The following DNAH2 variants were observed in gnomAD, a reference collection of about 807,000 sequenced individuals.
DNAH2 encodes the protein dynein axonemal heavy chain 2.
A neutral mutation model predicts 523.5 loss-of-function variants in DNAH2; 323 were observed. The observed-to-expected ratio is 0.62, with a 90% CI of 0.56 to 0.68. The LOEUF is 0.68. Among genes scored for constraint, DNAH2 ranks in the 30% least tolerant of loss-of-function variants. DNAH2 has a pLI of 0.00. For missense variants in DNAH2, 4,907 were observed against 5,701.5 expected, an observed-to-expected ratio of 0.86 and a Z score of 4.49; for synonymous variants, 2,093 against 2,177.4, an observed-to-expected ratio of 0.96 and a Z score of 1.08.
intron 3 of DNAH2, among the ~76,000 whole-genome samples, chr17:7,724,757 TCTGAGATGGAG>T (rs1567599989): frequency 2.0e-5 from 3 of 150,794 alleles, no homozygotes; most frequent in Non-Finnish European, 3.0e-5. Context: ...TTTTTTTTTT[TCTGAGATGGAG>T]TCTTGCTTCC....
At chr17:7,777,364 C>T (rs770242434) in intron 32 of DNAH2, 82 bp from the exon 33 acceptor site, 12 of 1,493,158 alleles carry the variant, frequency 8.0e-6, no homozygotes, top group African/African-American at 2.8e-5. Context: ...GGGTTGGAAG[C>T]GGTGCTGGGT....
chr17:7,757,267 C>G (rs529618024), intron 13 of DNAH2, 30 bp downstream of exon 13: 1 of 1,605,206 alleles, frequency 6.2e-7, no homozygotes, highest in African/African-American at 1.3e-5. Flanking sequence ...TGCAGCCCTT[C>G]AAGATGCTAT....
At chr17:7,815,694 TCA>T (rs1258886411) in intron 63 of DNAH2, among the ~76,000 whole-genome samples, 3 of 149,390 alleles carry the variant, frequency 2.0e-5, no homozygotes, top group African/African-American at 5.0e-5. Flanking sequence ...ATATATGGGA[TCA>T]CACACATGTA....
rs1169231731 is a variant in DNAH2, at chr17:7,765,504, C to G, written c.3450C>G (p.Ile1150Met). The change falls in exon 21 of 86, where the codon ATC becomes ATG. Residue 1150 changes from isoleucine (I) to methionine (M), a missense_variant. By Grantham distance (10) the Ile-to-Met change is conservative. This residue lies in a region of DNAH2 where 2,806 missense variants were observed against 3,190.8 expected (regional missense o/e 0.88). Coordinates refer to ENST00000572933, the MANE Select transcript of DNAH2 (RefSeq NM_020877.5). ...AGGAGAAATTCAAGACAGGCCTGAT[C>G]CACTCGGCAGATGACTTCAAGAAGA... The part of the protein sequence containing the change: ...KHKEKFKTGL[I>M]HSADDFKKKA... 26 of 1,614,100 alleles carry G rather than the reference C, an allele frequency of 1.6e-5. No homozygotes were observed. Among genetic ancestry groups the G allele is most frequent in the Non-Finnish European group, 2.1e-5 (25 of 1,180,052 alleles).
At chr17:7,738,248 T>G in intron 8 of DNAH2, 1 of 605,832 alleles carries the variant, frequency 1.7e-6, no homozygotes. Context: ...ACCCAGGAGT[T>G]TCTACATCTG....
chr17:7,793,647 T>G (rs1243699698), intron 48 of DNAH2, among the ~76,000 whole-genome samples: 1 of 151,948 alleles, frequency 6.6e-6, no homozygotes, highest in East Asian at 1.9e-4. Flanking sequence ...TGATTTTTAG[T>G]GGACACAAGG....
chr17:7,756,733 C>T (rs960248744), intron 12 of DNAH2, among the ~76,000 whole-genome samples: 1 of 152,162 alleles, frequency 6.6e-6, no homozygotes, highest in African/African-American at 2.4e-5. Flanking sequence ...TGCAGTGGTG[C>T]GATCTCAGCT....
chr17:7,819,195 A>C lies in DNAH2; in HGVS notation c.10816-14A>C, dbSNP rs763532623. 3 of 1,612,462 alleles carry C rather than the reference A, an allele frequency of 1.9e-6. No homozygotes were observed. In the Admixed American group the frequency reaches 5.0e-5, roughly 27 times the overall value. On this transcript the variant is annotated splice_polypyrimidine_tract_variant and intron_variant, in intron 71 of 85. Coordinates refer to ENST00000572933, the MANE Select transcript of DNAH2 (RefSeq NM_020877.5). ...TCCCTCAGTGGCCCTGACTCCACCC[A>C]TCCCCACCGGCAGGCTTACCGCCCA... is the stretch of plus-strand genomic sequence containing the variant.
At position 7,819,335 on chromosome 17, in the gene DNAH2, A is replaced by G; in HGVS notation, c.10942A>G (p.Lys3648Glu). 6.2e-7 allele frequency: 1 copy of G among 1,614,212 alleles called. No individual in the cohort carries two copies. Among genetic ancestry groups the G allele is most frequent in the South Asian group, 1.1e-5 (1 of 91,090 alleles). Reference protein sequence around the residue: ...YISLFILSIDKSHRSNKLEDR... With the variant: ...YISLFILSIDESHRSNKLEDR... ...CAGCCTCTTTATTCTCAGCATTGAC[A>G]AAAGCCACCGCAGCAATAAGCTGGA... Residue 3648 changes from lysine to glutamate, a missense_variant, in exon 72 of 86, where the codon AAA becomes GAA. Transcript: ENST00000572933.
At chr17:7,802,614 A>C (rs2077253517) in intron 58 of DNAH2, among the ~76,000 whole-genome samples, 3 of 152,228 alleles carry the variant, frequency 2.0e-5, no homozygotes, top group Admixed American at 2.0e-4. Context: ...TTTAGGGAAT[A>C]ATGACAAGAA....
At chr17:7,720,403 C>T (rs1378575459) in intron 2 of DNAH2, among the ~76,000 whole-genome samples, 1 of 152,180 alleles carries the variant, frequency 6.6e-6, no homozygotes, top group Non-Finnish European at 1.5e-5. Context: ...TTGGCAGGGA[C>T]TTGGTAGACT....
chr17:7,735,742 T>C (rs979176789), intron 7 of DNAH2, among the ~76,000 whole-genome samples: 2 of 151,402 alleles, frequency 1.3e-5, no homozygotes, highest in Non-Finnish European at 2.9e-5. Context: ...CCCAGCTCAA[T>C]TGTTAATTTT....
In DNAH2 at chr17:7,758,953, A is replaced by C. The variant is rs953269686; in HGVS notation, c.2277A>C (p.Ser759=). 5.6e-6 allele frequency: 9 copies of C among 1,614,216 alleles called. No individual in the cohort carries two copies. The highest frequency in any genetic ancestry group is 7.6e-6 in the Non-Finnish European group (9 of 1,180,036). ...LTIGWRAQEM[S]EKLLVRISGK... ...TTGGCTGGCGAGCCCAAGAGATGTC[A>C]GAGAAGCTGCTGGTACGCATTAGTG... The change falls in exon 15 of 86, where the codon TCA becomes TCC. Residue 759 remains serine, a synonymous_variant. Transcript: ENST00000572933.
In DNAH2 at chr17:7,723,677, C is replaced by T. The variant is rs188683906; in HGVS notation, c.216C>T (p.Pro72=). The T allele has an allele frequency of 1.9e-4, 312 of 1,613,872 alleles. 6 individuals carry two copies. In the East Asian group the frequency reaches 6.2e-3, roughly 32 times the overall value. Residue 72 remains proline, a synonymous_variant, in exon 3 of 86, where the codon CCC becomes CCT. Coordinates refer to ENST00000572933, the MANE Select transcript of DNAH2 (RefSeq NM_020877.5). ...CACAGAGTGAAGAATCAGTGGAGCC[C>T]GAGGCAGATGTGGTAGGCTTGGGTC... ...PQAQSEESVE[P]EADVKPLFLS...
intron 4 of DNAH2, among the ~76,000 whole-genome samples, chr17:7,729,426 GGTTT>G (rs988168862): frequency 9.9e-5 from 15 of 151,544 alleles, no homozygotes; most frequent in Non-Finnish European, 1.8e-4. Context: ...GAGGAGCCTA[GGTTT>G]GTTTGTTTGT....
At position 7,823,438 on chromosome 17, in the gene DNAH2, C is replaced by G. The variant is rs1028407171; in HGVS notation, c.11143-4C>G. On this transcript the variant is annotated splice_polypyrimidine_tract_variant and splice_region_variant and intron_variant, in intron 73 of 85. Coordinates refer to ENST00000572933, the MANE Select transcript of DNAH2 (RefSeq NM_020877.5). Reference sequence around the variant, plus strand: ...TCCCTTTCTTCCTCCCCTTCTCCCACCAGGTCTTGGATCGGGAGGGCCAAA... The same window carrying G: ...TCCCTTTCTTCCTCCCCTTCTCCCAGCAGGTCTTGGATCGGGAGGGCCAAA... 1 of 1,613,688 alleles carries G rather than the reference C, an allele frequency of 6.2e-7. No homozygotes were observed. Among genetic ancestry groups the G allele is most frequent in the Non-Finnish European group, 8.5e-7 (1 of 1,179,828 alleles).
chr17:7,774,536 C>T (rs552451954), intron 28 of DNAH2, among the ~76,000 whole-genome samples: 16 of 152,260 alleles, frequency 1.1e-4, no homozygotes, highest in African/African-American at 2.9e-4. Flanking sequence ...AATGCATAAA[C>T]GGTAACATGT....
chr17:7,801,919 G>A lies in DNAH2; in HGVS notation c.8874G>A (p.Trp2958Ter), dbSNP rs201404200. ...CCCAGATCTTTGTCACTATGCACTG[G>A]TCAGTAGCTCAGTATTCCCAGAAGA... ...KVAQIFVTMH[W>*]SVAQYSQKML... Residue 2958 changes from tryptophan to a stop codon, truncating the protein, a stop_gained, in exon 58 of 86, where the codon TGG becomes TGA. Coordinates refer to ENST00000572933, the MANE Select transcript of DNAH2 (RefSeq NM_020877.5). LOFTEE classifies it high-confidence loss of function. The A allele has an allele frequency of 2.5e-6, 4 of 1,614,190 alleles. No individual in the cohort carries two copies. The East Asian group carries it at 8.9e-5, about 36-fold the overall frequency.
chr17:7,772,661 G>A (rs115065630), intron 28 of DNAH2, among the ~76,000 whole-genome samples: 3,789 of 152,284 alleles, frequency 0.025, 110 homozygotes, highest in African/African-American at 0.067. Context: ...ATCAATCAAG[G>A]CCTGAGGTAT....
Sources: gnomAD v4.1 joint callset for allele counts (sites outside exome capture counted in the v4.1 genomes callset) on GRCh38, gnomAD v4.1.1 for gene constraint, gnomAD v4.1.1 regional missense constraint, MANE v1.5 for transcripts, NCBI Gene and HGNC (gene_info 2026-07-23, HGNC 2026-07-21) for gene names.